Variants in ILK observed in about 807,000 individuals in gnomAD.
The protein encoded by ILK is scaffold protein ILK.
ILK carries 37 observed loss-of-function variants against 57.8 expected under a neutral mutation model. That is an observed-to-expected ratio of 0.64 (90% CI 0.49 to 0.84). The LOEUF is 0.84. Among genes scored for constraint, ILK ranks in the 40% least tolerant of loss-of-function variants. ILK has a pLI of 0.00. For synonymous variants in ILK, 231 were observed against 202.2 expected (o/e 1.14, Z -1.21); for missense variants, 528 against 595.7 (o/e 0.89, Z 1.18).
At chr11:6,605,100 G>A (rs1191575184) in intron 2 of ILK, among the ~76,000 whole-genome samples, 2 of 152,090 alleles carry the variant, frequency 1.3e-5, no homozygotes, top group Non-Finnish European at 2.9e-5. Context: ...GGAGGATGAG[G>A]CATTTTATTT....
Position 6,609,478 on chromosome 11 carries a change from G to T in ILK, c.729-34G>T, listed in dbSNP as rs769653849. Reference sequence around the variant, plus strand: ...TGAATAGCACTGAAAGAGATCTTTTGTACTGGGTCTCAACCACTCCCTCCC... The same window carrying T: ...TGAATAGCACTGAAAGAGATCTTTTTTACTGGGTCTCAACCACTCCCTCCC... On this transcript the variant is annotated intron_variant, in intron 8 of 12. Transcript: ENST00000299421. 2.5e-6 allele frequency: 4 copies of T among 1,614,100 alleles called. No homozygotes were observed. In the South Asian group the frequency reaches 4.4e-5, roughly 18 times the overall value.
chr11:6,610,364 T>G (rs1251399409), intron 12 of ILK, 86 bp downstream of exon 12: 1 of 1,613,242 alleles, frequency 6.2e-7, no homozygotes, highest in African/African-American at 1.3e-5. Context: ...TCCTCACATA[T>G]TTGTTCGGAT....
chr11:6,605,767 A>G (rs1388810243), intron 2 of ILK, among the ~76,000 whole-genome samples: 1 of 151,680 alleles, frequency 6.6e-6, no homozygotes, highest in Non-Finnish European at 1.5e-5. Flanking sequence ...GGGTGAAGAA[A>G]TCAGACTACA....
Position 6,609,505 on chromosome 11 carries a change from C to A in ILK, c.729-7C>A, listed in dbSNP as rs375371977. The A allele has an allele frequency of 1.4e-4, 220 of 1,614,022 alleles. No homozygotes were observed. The highest frequency in any genetic ancestry group is 1.3e-4 in the Non-Finnish European group (156 of 1,180,040). ...ACTGGGTCTCAACCACTCCCTCCCT[C>A]TTCTAGGATTTTCTCGCATCCAAAT... On this transcript the variant is annotated splice_polypyrimidine_tract_variant and splice_region_variant and intron_variant, in intron 8 of 12. Coordinates refer to ENST00000299421, the MANE Select transcript of ILK (RefSeq NM_004517.4).
chr11:6,609,128 C>G lies in ILK; in HGVS notation c.590C>G (p.Thr197Arg). The change falls in exon 7 of 13, where the codon ACG becomes AGG. Residue 197 changes from threonine to arginine, a missense_variant. By Grantham distance (71) the Thr-to-Arg change is moderately conservative (BLOSUM62 -1). Transcript: ENST00000299421. ...GACTTCAAACAGCTTAACTTCCTGACGAAGCTCAACGAGAATCACTCTGGA... is the reference window on the plus strand; with the variant it reads ...GACTTCAAACAGCTTAACTTCCTGAGGAAGCTCAACGAGAATCACTCTGGA... ...GIDFKQLNFLTKLNENHSGEL... is the reference protein window; with the variant it reads ...GIDFKQLNFLRKLNENHSGEL... The G allele has an allele frequency of 6.2e-7, 1 of 1,614,128 alleles. No individual in the cohort carries two copies. The highest frequency in any genetic ancestry group is 1.1e-5 in the South Asian group (1 of 91,086).
chr11:6,605,011 G>A, intron 2 of ILK: 1 of 419,188 alleles, frequency 2.4e-6, no homozygotes, highest in South Asian at 1.7e-5. Context: ...AACTTGGTGT[G>A]GGGAGTGAGT....
Position 6,609,772 on chromosome 11 carries a change from C to G in ILK, c.905C>G (p.Ala302Gly), listed in dbSNP as rs1021715262. The G allele has an allele frequency of 6.2e-7, 1 of 1,614,200 alleles. No homozygotes were observed. The highest frequency in any genetic ancestry group is 1.3e-5 in the African/African-American group (1 of 75,052). ...SQAVKFALDMARGMAFLHTLE... is the reference protein window; with the variant it reads ...SQAVKFALDMGRGMAFLHTLE... The stretch of plus-strand genomic sequence containing the variant: ...GCTGTGAAGTTTGCTTTGGACATGG[C>G]AAGGGGCATGGCCTTCCTACACACA... Residue 302 changes from alanine (A) to glycine (G), a missense_variant, in exon 10 of 13, where the codon GCA becomes GGA. Physicochemically the swap from Ala to Gly is moderately conservative, Grantham distance 60 (BLOSUM62 0). Coordinates refer to ENST00000299421, the MANE Select transcript of ILK (RefSeq NM_004517.4).
At chr11:6,605,413 G>A (rs1394297983) in intron 2 of ILK, among the ~76,000 whole-genome samples, 1 of 151,990 alleles carries the variant, frequency 6.6e-6, no homozygotes, top group African/African-American at 2.4e-5. Flanking sequence ...GCTTACAGAA[G>A]AGAATGTTTT....
intron 9 of ILK, 37 bp from the exon 10 acceptor site, chr11:6,609,687 A>G: frequency 6.2e-7 from 1 of 1,614,128 alleles, no homozygotes; most frequent in Middle Eastern, 1.6e-4. Flanking sequence ...GCAGAGAGGG[A>G]GCCTCTCTGA....
Position 6,608,122 on chromosome 11 carries a change from C to T in ILK, c.166C>T (p.Arg56Trp), listed in dbSNP as rs756532224. The T allele has an allele frequency of 2.0e-5, 32 of 1,613,954 alleles. No individual in the cohort carries two copies. In the South Asian group the frequency reaches 2.7e-4, roughly 14 times the overall value. ...TGCTGTGGTTGAGATGTTGATCATG[C>T]GGGGGGCACGGATCAATGTAATGAA... ...RSAVVEMLIM[R>W]GARINVMNRG... Residue 56 changes from arginine to tryptophan, a missense_variant, in exon 3 of 13, where the codon CGG (arginine) becomes TGG (tryptophan). By Grantham distance (101) the Arg-to-Trp change is moderately radical (BLOSUM62 -3). Coordinates refer to ENST00000299421, the MANE Select transcript of ILK (RefSeq NM_004517.4). This position sits in a 1 kb window ranked among gnomAD's most constrained non-coding sequence, Gnocchi z 4.9.
Position 6,610,488 on chromosome 11 carries a change from C to T in ILK, c.1236C>T (p.Thr412=), listed in dbSNP as rs569395635. The T allele has an allele frequency of 1.9e-6, 3 of 1,614,220 alleles. No homozygotes were observed. The Admixed American group carries it at 5.0e-5, about 27-fold the overall frequency. ...MKVALEGLRP[T]IPPGISPHVC... Reference sequence around the variant, plus strand: ...TGGCATTGGAAGGCCTTCGGCCTACCATCCCACCAGGTATTTCCCCTCATG... The same window carrying T: ...TGGCATTGGAAGGCCTTCGGCCTACTATCCCACCAGGTATTTCCCCTCATG... The change falls in exon 13 of 13, where the codon ACC becomes ACT. Residue 412 remains threonine, a synonymous_variant. Transcript: ENST00000299421.
intron 2 of ILK, 154 bp from the exon 3 acceptor site, chr11:6,607,892 A>G: frequency 1.3e-6 from 1 of 747,020 alleles, no homozygotes; most frequent in Non-Finnish European, 2.2e-6. Flanking sequence ...GGAAGGTCTG[A>G]AATGGACAGC....
At chr11:6,604,753 G>A (rs1854664052) in intron 2 of ILK, 1 of 475,758 alleles carries the variant, frequency 2.1e-6, no homozygotes, top group Non-Finnish European at 4.1e-6. Context: ...CCAAGGATCA[G>A]CCAGATCATG....
rs1663195410 is a variant in ILK, at chr11:6,608,507, A to G, written c.351+18A>G. ...TGGCAGAGGTGAGTACTCAGCCCTT[A>G]ATTCCTGAGATGGGTAGGAAGTAAA... On this transcript the variant is annotated intron_variant, in intron 4 of 12. Coordinates refer to ENST00000299421, the MANE Select transcript of ILK (RefSeq NM_004517.4). The surrounding 1 kb of genome is among the most constrained non-coding windows in gnomAD (Gnocchi z 4.9). 6.3e-7 allele frequency: 1 copy of G among 1,588,032 alleles called. No individual in the cohort carries two copies. Among genetic ancestry groups the G allele is most frequent in the Non-Finnish European group, 8.6e-7 (1 of 1,156,156 alleles).
At chr11:6,606,619 G>A (rs935234375) in intron 2 of ILK, 12 of 152,258 alleles carry the variant, frequency 7.9e-5, no homozygotes, top group African/African-American at 2.9e-4. Context: ...AAAAGGGGTG[G>A]AATTAATGAA....
chr11:6,610,017 G>GC lies in ILK; in HGVS notation c.1062dup (p.Trp355LeufsTer12). On this transcript the variant is annotated frameshift_variant, in exon 11 of 13. Coordinates refer to ENST00000299421, the MANE Select transcript of ILK (RefSeq NM_004517.4). LOFTEE classifies it high-confidence loss of function. ...ATGTCCTGGTCGCATGTATGCACCT[G>GC]CCTGGGTAGCCCCCGAAGGTGAGTG... is the stretch of plus-strand genomic sequence containing the variant. 1 of 1,614,182 alleles carries GC rather than the reference G, an allele frequency of 6.2e-7. No individual in the cohort carries two copies. The highest frequency in any genetic ancestry group is 8.5e-7 in the Non-Finnish European group (1 of 1,180,036).
intron 12 of ILK, 26 bp downstream of exon 12, chr11:6,610,304 T>A (rs754003418): frequency 1.9e-6 from 3 of 1,614,028 alleles, no homozygotes; most frequent in Non-Finnish European, 2.5e-6. Context: ...CATACATTTG[T>A]GTTGCGGGAG....
chr11:6,608,392 A>C lies in ILK; in HGVS notation c.256-2A>C, dbSNP rs1363844066. 8 of 1,613,472 alleles carry C rather than the reference A, an allele frequency of 5.0e-6. No individual in the cohort carries two copies. Among genetic ancestry groups the C allele is most frequent in the Non-Finnish European group, 6.8e-6 (8 of 1,179,492 alleles). ...TTCTTTTTGTCTGGCCATGGGGTCC[A>C]GCTATTGCAGTACAAGGCAGACATC... is the stretch of plus-strand genomic sequence containing the variant. On this transcript the variant is annotated splice_acceptor_variant, in intron 3 of 12. Transcript: ENST00000299421. LOFTEE classifies it high-confidence loss of function. This position sits in a 1 kb window ranked among gnomAD's most constrained non-coding sequence, Gnocchi z 4.9.
chr11:6,607,943 G>T (rs1367455170), intron 2 of ILK, 103 bp from the exon 3 acceptor site: 1 of 1,204,340 alleles, frequency 8.3e-7, no homozygotes. Context: ...AAGTCCTAGA[G>T]AGGTAAGCCT....
Sources: gnomAD v4.1 joint callset for allele counts (sites outside exome capture counted in the v4.1 genomes callset) on GRCh38, gnomAD v4.1.1 for gene constraint, Gnocchi (gnomAD v3.1) non-coding constraint, MANE v1.5 for transcripts, NCBI Gene and HGNC (gene_info 2026-07-23, HGNC 2026-07-21) for gene names.